The following MYO3A variants were observed in gnomAD, a reference collection of about 807,000 sequenced individuals.
MYO3A encodes the protein myosin IIIA, also known as myosin-IIIa.
A neutral mutation model predicts 192.7 loss-of-function variants in MYO3A; 180 were observed. That is an observed-to-expected ratio of 0.93 (90% CI 0.83 to 1.06). The LOEUF is 1.06. MYO3A is among the 50% of genes least tolerant of loss of function. The pLI is 0.00. For synonymous variants in MYO3A, 628 were observed against 645.3 expected, an observed-to-expected ratio of 0.97 and a Z score of 0.41; for missense variants, 1,896 against 1,905.0, an observed-to-expected ratio of 1.00 and a Z score of 0.09.
intron 4 of MYO3A, among the ~76,000 whole-genome samples, chr10:25,984,962 G>C (rs1005301311): frequency 3.3e-5 from 5 of 152,140 alleles, no homozygotes; most frequent in African/African-American, 1.2e-4. Context: ...CTGAGGCCGG[G>C]CTTGCTGGCT....
At chr10:26,021,972 G>A (rs1418696586) in intron 8 of MYO3A, 2 of 280,938 alleles carry the variant, frequency 7.1e-6, no homozygotes, top group Non-Finnish European at 1.4e-5. Context: ...CATAGCCTGT[G>A]CAAGTGTTTT....
chr10:26,209,233 C>T (rs1844111518), intron 34 of MYO3A, among the ~76,000 whole-genome samples: 1 of 152,204 alleles, frequency 6.6e-6, no homozygotes, highest in Non-Finnish European at 1.5e-5. Flanking sequence ...CCTTTGTGCA[C>T]TAAATCCAAG....
intron 15 of MYO3A, among the ~76,000 whole-genome samples, chr10:26,091,894 A>G (rs1039736294): frequency 2.6e-5 from 4 of 152,230 alleles, no homozygotes; most frequent in African/African-American, 4.8e-5. Flanking sequence ...TTGAGTGCCT[A>G]CTGTGTGCTA....
At chr10:25,996,922 C>T (rs1840482786) in intron 5 of MYO3A, among the ~76,000 whole-genome samples, 1 of 152,262 alleles carries the variant, frequency 6.6e-6, no homozygotes, top group East Asian at 1.9e-4. Context: ...GAAACTCACA[C>T]ATTTGTAATA....
At chr10:26,093,462 CACA>C (rs1470674035) in intron 15 of MYO3A, among the ~76,000 whole-genome samples, 1 of 152,140 alleles carries the variant, frequency 6.6e-6, no homozygotes, top group African/African-American at 2.4e-5. Flanking sequence ...CACTGGTGAC[CACA>C]ACAAGTAACA....
chr10:26,085,295 T>A (rs1402079173), intron 14 of MYO3A, among the ~76,000 whole-genome samples: 1 of 152,134 alleles, frequency 6.6e-6, no homozygotes, highest in Non-Finnish European at 1.5e-5. Flanking sequence ...TTCTGCTAAT[T>A]TTGGCTTTAG....
Position 26,211,973 on chromosome 10 carries a change from G to T in MYO3A, c.*10G>T. On this transcript the variant is annotated 3_prime_UTR_variant, in exon 35 of 35. Transcript: ENST00000642920. ...CGTCCAGCAGTCCTAACCGTTCAAC[G>T]AGGCAGTCACCGCCGTCGGAAGGCG... 2 of 1,608,756 alleles carry T rather than the reference G, an allele frequency of 1.2e-6. No homozygotes were observed. The highest frequency in any genetic ancestry group is 1.7e-6 in the Non-Finnish European group (2 of 1,175,732).
At chr10:25,980,316 A>G (rs550779532) in intron 4 of MYO3A, among the ~76,000 whole-genome samples, 1 of 152,048 alleles carries the variant, frequency 6.6e-6, no homozygotes, top group South Asian at 2.1e-4. Flanking sequence ...AACAATAAGA[A>G]CAACAAAAAA....
At chr10:25,998,021 G>T (rs186036217) in intron 6 of MYO3A, among the ~76,000 whole-genome samples, 8 of 152,226 alleles carry the variant, frequency 5.3e-5, no homozygotes, top group East Asian at 1.9e-4. Flanking sequence ...GGTGGGTAAG[G>T]TATCCCTCCT....
At chr10:25,969,172 G>T (rs376689058) in intron 4 of MYO3A, among the ~76,000 whole-genome samples, 1 of 152,192 alleles carries the variant, frequency 6.6e-6, no homozygotes, top group Non-Finnish European at 1.5e-5. Context: ...GGCGGAACTT[G>T]CAGTGAGCCG....
rs372789587 is a variant in MYO3A at position 26,066,960 on chromosome 10, C to A, written c.954-15C>A. 1.3e-6 allele frequency: 2 copies of A among 1,567,746 alleles called. No individual in the cohort carries two copies. Among genetic ancestry groups the A allele is most frequent in the Non-Finnish European group, 1.8e-6 (2 of 1,137,588 alleles). ...AGTAATCAATTCTTAAATCAGAAAG[C>A]GTTTTTCTCCACAGACGTGAACGTA... On this transcript the variant is annotated splice_polypyrimidine_tract_variant and intron_variant, in intron 10 of 34. Transcript: ENST00000642920.
intron 10 of MYO3A, among the ~76,000 whole-genome samples, chr10:26,045,520 C>A (rs1843593842): frequency 6.6e-6 from 1 of 152,150 alleles, no homozygotes; most frequent in East Asian, 1.9e-4. Context: ...ATAAGCATAT[C>A]TTTTGTTGAA....
chr10:26,050,187 G>A (rs1188499002), intron 10 of MYO3A, among the ~76,000 whole-genome samples: 3 of 151,476 alleles, frequency 2.0e-5, no homozygotes. Context: ...TGCCAAGGAA[G>A]AGGAAAAATA....
chr10:26,105,776 A>G (rs1000272143), intron 17 of MYO3A, among the ~76,000 whole-genome samples: 6 of 151,770 alleles, frequency 4.0e-5, no homozygotes, highest in African/African-American at 7.3e-5. Flanking sequence ...TTTTCCCCTA[A>G]CTCTAGGTTG....
At chr10:26,077,027 G>T (rs1835618620) in intron 14 of MYO3A, among the ~76,000 whole-genome samples, 1 of 151,944 alleles carries the variant, frequency 6.6e-6, no homozygotes, top group Non-Finnish European at 1.5e-5. Context: ...TCCTAATTCT[G>T]TGAAGAATGA....
At chr10:26,173,564 TG>T in intron 29 of MYO3A, 98 bp from the exon 30 acceptor site, 3 of 1,096,722 alleles carry the variant, frequency 2.7e-6, no homozygotes, top group Non-Finnish European at 4.0e-6. Context: ...TTGTTCCTTT[TG>T]CCTTTCTCCC....
At chr10:26,061,496 C>T (rs940640463) in intron 10 of MYO3A, among the ~76,000 whole-genome samples, 1 of 152,000 alleles carries the variant, frequency 6.6e-6, no homozygotes, top group Non-Finnish European at 1.5e-5. Context: ...ATGGAATGAA[C>T]AAAGTACAGA....
At chr10:26,017,054 C>A in intron 7 of MYO3A, 158 bp downstream of exon 7, 1 of 769,560 alleles carries the variant, frequency 1.3e-6, no homozygotes, top group Non-Finnish European at 2.2e-6. Context: ...GAGGAGGCAC[C>A]TGGGAGGTGG....
chr10:25,984,318 GACAGAATGGATAAGAATTT>G (rs1839512329), intron 4 of MYO3A, among the ~76,000 whole-genome samples: 1 of 152,184 alleles, frequency 6.6e-6, no homozygotes, highest in Non-Finnish European at 1.5e-5. Flanking sequence ...GATACAGAGT[GACAGAATGGATAAGAATTT>G]ACCAACCAAG....
Sources: allele counts gnomAD v4.1 joint callset (sites outside exome capture counted in the v4.1 genomes callset), GRCh38; gene constraint gnomAD v4.1.1; transcripts MANE v1.5; gene names NCBI Gene and HGNC (gene_info 2026-07-23, HGNC 2026-07-21).